CDH13: variants seen among roughly 807,000 people sequenced by gnomAD.
The protein encoded by CDH13 is cadherin 13, also known as cadherin-13.
In CDH13, 24 loss-of-function variants were observed where a neutral mutation model predicts 63.8. The observed-to-expected ratio is 0.38, with a 90% confidence interval of 0.27 to 0.53. The LOEUF is 0.53. Among genes scored for constraint, CDH13 ranks in the 20% least tolerant of loss-of-function variants. The pLI is 0.85. For synonymous variants in CDH13, 503 were observed against 355.3 expected (o/e 1.42, Z -4.67); for missense variants, 1,049 against 903.1 (o/e 1.16, Z -2.07).
rs543713511 is a variant in CDH13, at chr16:83,050,004, CGTT to C, written c.366+17789_366+17791del. Among the ~76,000 whole-genome samples the C allele has an allele frequency of 2.5e-3, 373 of 152,202 alleles. 1 individual carries two copies. Among genetic ancestry groups the C allele is most frequent in the African/African-American group, 8.2e-3 (341 of 41,542 alleles). ...GTTAGTAATAATAATGCTACAAAAA[CGTT>C]GTATACTTGCAAGATTTACAAATTA... On this transcript the variant is annotated intron_variant, in intron 3 of 13. Transcript: ENST00000567109.
At chr16:83,749,109 A>G (rs535514616) in intron 11 of CDH13, among the ~76,000 whole-genome samples, 1 of 152,354 alleles carries the variant, frequency 6.6e-6, no homozygotes, top group East Asian at 1.9e-4. Context: ...TATTGTGTCA[A>G]TCACACAAGA....
At chr16:83,352,491 C>G (rs926928887) in intron 6 of CDH13, among the ~76,000 whole-genome samples, 1 of 152,132 alleles carries the variant, frequency 6.6e-6, no homozygotes, top group African/African-American at 2.4e-5. Context: ...GGAAAAGAAG[C>G]CACTGTATCA....
At chr16:83,543,717 G>A (rs1309377991) in intron 7 of CDH13, among the ~76,000 whole-genome samples, 2 of 152,156 alleles carry the variant, frequency 1.3e-5, no homozygotes, top group East Asian at 1.9e-4. Context: ...TTCCCCAGCT[G>A]GGACCAGCGG....
intron 8 of CDH13, among the ~76,000 whole-genome samples, chr16:83,634,178 C>T (rs1911048674): frequency 6.7e-6 from 1 of 149,952 alleles, no homozygotes; most frequent in Non-Finnish European, 1.5e-5. Flanking sequence ...CGCATTTGAT[C>T]ACACGTACAG....
intron 4 of CDH13, among the ~76,000 whole-genome samples, chr16:83,203,834 A>C (rs1336726448): frequency 6.6e-6 from 1 of 152,162 alleles, no homozygotes. Flanking sequence ...GAGAGTAAGC[A>C]TGTATAGTTC....
At chr16:82,947,758 G>T (rs1238857820) in intron 2 of CDH13, among the ~76,000 whole-genome samples, 8 of 152,140 alleles carry the variant, frequency 5.3e-5, no homozygotes, top group African/African-American at 1.9e-4. Flanking sequence ...TACTTTCCAG[G>T]CTTAGAGTTT....
At chr16:83,347,797 A>C (rs537468833) in intron 6 of CDH13, among the ~76,000 whole-genome samples, 1 of 152,342 alleles carries the variant, frequency 6.6e-6, no homozygotes, top group East Asian at 1.9e-4. Flanking sequence ...AATTCTCTGC[A>C]AATTCTGGCC....
chr16:83,728,124 G>A (rs949185513), intron 10 of CDH13, among the ~76,000 whole-genome samples: 3 of 152,172 alleles, frequency 2.0e-5, no homozygotes, highest in African/African-American at 4.8e-5. Context: ...TGCCTGGAAA[G>A]GGGGAACAGC....
rs372959504 is a variant in CDH13 at position 82,740,089 on chromosome 16, C to T, written c.45+112952C>T. On this transcript the variant is annotated intron_variant, in intron 1 of 13. Coordinates refer to ENST00000567109, the MANE Select transcript of CDH13 (RefSeq NM_001257.5). ...TATTACAACCTGATTTTAAAACCTC[C>T]GTGCCACTCAACAGCTTACTCATAA... Among the ~76,000 whole-genome samples the T allele has an allele frequency of 3.5e-4, 54 of 152,252 alleles. No homozygotes were observed. The South Asian group carries it at 8.9e-3, about 25-fold the overall frequency.
intron 6 of CDH13, among the ~76,000 whole-genome samples, chr16:83,485,422 T>C (rs1272164461): frequency 2.0e-5 from 3 of 152,212 alleles, no homozygotes; most frequent in African/African-American, 7.2e-5. Flanking sequence ...CACATGCTTG[T>C]TATAGAATCA....
Position 82,858,677 on chromosome 16 carries a change from T to A in CDH13, c.157+204T>A, listed in dbSNP as rs899897954. 9 of 613,982 alleles carry A rather than the reference T, an allele frequency of 1.5e-5. No individual in the cohort carries two copies. The Admixed American group carries it at 2.4e-4, about 16-fold the overall frequency. 38.0% of individuals were successfully genotyped at this position (613,982 alleles called of 1,614,324 possible). On this transcript the variant is annotated intron_variant, in intron 2 of 13. Coordinates refer to ENST00000567109, the MANE Select transcript of CDH13 (RefSeq NM_001257.5). ...TTAATAGAGTGATATGCATCTCTTTTTAGTATTTTATCATCAGTGGGTATC... is the reference window on the plus strand; with the variant it reads ...TTAATAGAGTGATATGCATCTCTTTATAGTATTTTATCATCAGTGGGTATC...
intron 1 of CDH13, among the ~76,000 whole-genome samples, chr16:82,804,596 G>C (rs958936848): frequency 2.0e-5 from 3 of 152,140 alleles, no homozygotes; most frequent in Admixed American, 6.6e-5. Context: ...ATGAAAAATA[G>C]TGGATTTAAT....
chr16:83,098,681 A>G (rs1310709706), intron 3 of CDH13, among the ~76,000 whole-genome samples: 1 of 152,198 alleles, frequency 6.6e-6, no homozygotes, highest in African/African-American at 2.4e-5. Flanking sequence ...GGTTCACTCC[A>G]TTATCTTCTG....
At chr16:83,631,938 CAA>C (rs1910814245) in intron 8 of CDH13, among the ~76,000 whole-genome samples, 1 of 152,200 alleles carries the variant, frequency 6.6e-6, no homozygotes, top group Non-Finnish European at 1.5e-5. Flanking sequence ...GCCAGCTGAG[CAA>C]AGTCATGAGA....
At chr16:83,743,768 C>CTTTTTTTTTTTTTTTTTTTTTTTTT (rs57379661) in intron 10 of CDH13, among the ~76,000 whole-genome samples, 1 of 106,076 alleles carries the variant, frequency 9.4e-6, no homozygotes, top group Non-Finnish European at 1.7e-5. Flanking sequence ...TTTTTTTTTT[C>CTTTTTTTTTTTTTTTTTTTTTTTTT]TTTGCTTTTT....
intron 3 of CDH13, among the ~76,000 whole-genome samples, chr16:83,053,272 A>T (rs1482664256): frequency 1.3e-5 from 2 of 152,174 alleles, no homozygotes; most frequent in African/African-American, 4.8e-5. Context: ...ATAGGAGTTA[A>T]AAAGGTATCA....
chr16:83,357,964 C>T (rs1017860500), intron 6 of CDH13, among the ~76,000 whole-genome samples: 2 of 152,134 alleles, frequency 1.3e-5, no homozygotes, highest in Non-Finnish European at 2.9e-5. Context: ...TGTGTTATCT[C>T]ATTGACTTGC....
chr16:83,319,465 G>C (rs569600797), intron 5 of CDH13, among the ~76,000 whole-genome samples: 2 of 152,290 alleles, frequency 1.3e-5, no homozygotes, highest in African/African-American at 2.4e-5. Context: ...ACCTAAGAAG[G>C]CTTTGTTGTT....
chr16:83,293,613 C>A (rs1422787933), intron 5 of CDH13, among the ~76,000 whole-genome samples: 1 of 152,048 alleles, frequency 6.6e-6, no homozygotes, highest in Non-Finnish European at 1.5e-5. Flanking sequence ...AAATACATAA[C>A]AGATATATAC....
Sources: gnomAD v4.1 joint callset for allele counts (sites outside exome capture counted in the v4.1 genomes callset) on GRCh38, gnomAD v4.1.1 for gene constraint, MANE v1.5 for transcripts, NCBI Gene and HGNC (gene_info 2026-07-23, HGNC 2026-07-21) for gene names.